TRMT11: variants seen among roughly 807,000 people sequenced by gnomAD.
TRMT11 encodes the protein tRNA methyltransferase 11.
TRMT11 carries 53 observed loss-of-function variants against 62.8 expected under a neutral mutation model. The observed-to-expected ratio is 0.84, with a 90% confidence interval of 0.68 to 1.06. TRMT11 has a LOEUF of 1.06. Ranked by LOEUF, TRMT11 falls within the 50% of genes least tolerant of loss-of-function variation. TRMT11 has a pLI of 0.00. For synonymous variants in TRMT11, 188 were observed against 190.3 expected (o/e 0.99, Z 0.10); for missense variants, 556 against 553.4 (o/e 1.00, Z -0.05).
chr6:126,209,376 T>C, the TRMT11 span, among the ~76,000 whole-genome samples: 1,037 of 152,262 alleles, frequency 6.8e-3, 9 homozygotes, highest in African/African-American at 0.024. Context: ...TCAGGCCATA[T>C]TACATTTCTC....
At chr6:125,993,141 T>C (rs1172425057) in intron 1 of TRMT11, among the ~76,000 whole-genome samples, 1 of 152,188 alleles carries the variant, frequency 6.6e-6, no homozygotes, top group Non-Finnish European at 1.5e-5. Context: ...TTTTATGTGA[T>C]TTAAGGAGAT....
rs1415756743 is a variant in TRMT11 at position 126,038,740 on chromosome 6, T to C, written c.1296T>C (p.His432=). The change falls in exon 13 of 13, where the codon CAT becomes CAC. Residue 432 remains histidine, a synonymous_variant. Transcript: ENST00000334379. The part of the protein sequence containing the change: ...RDQYSHLLSD[H]FLPYQGHNSF... ...AGTATTCACATCTGCTAAGTGATCA[T>C]TTTCTGCCATACCAAGGTCATAATT... 1 of 1,599,066 alleles carries C rather than the reference T, an allele frequency of 6.3e-7. No individual in the cohort carries two copies. Among genetic ancestry groups the C allele is most frequent in the Non-Finnish European group, 8.5e-7 (1 of 1,174,382 alleles).
intron 17 of TRMT11, among the ~76,000 whole-genome samples, chr6:126,054,901 G>A (rs570429231): frequency 5.9e-5 from 9 of 152,262 alleles, no homozygotes; most frequent in African/African-American, 1.9e-4. Flanking sequence ...CGTCTCTTTC[G>A]CATCTTTCCT....
At chr6:126,068,686 AC>A (rs1345522474) in intron 17 of TRMT11, among the ~76,000 whole-genome samples, 8 of 152,270 alleles carry the variant, frequency 5.3e-5, no homozygotes, top group African/African-American at 1.9e-4. Flanking sequence ...AAGTCATCCT[AC>A]CTTTTCTTAT....
rs190337457 is a variant in TRMT11, at chr6:126,072,216, G to A, written c.*1437+19026G>A. Among the ~76,000 whole-genome samples the A allele has an allele frequency of 2.0e-5, 3 of 152,230 alleles. No individual in the cohort carries two copies. In the East Asian group the frequency reaches 5.8e-4, roughly 29 times the overall value. On this transcript the variant is annotated intron_variant and NMD_transcript_variant, in intron 17 of 22. Coordinates refer to the TRMT11 transcript ENST00000648977. ...TAGGATTTGCTTTTCCTGAAAAATT[G>A]GTGGGCATTTTCTATTTCTAGGGAG...
At chr6:126,157,426 C>A (rs1439150417) in intron 21 of TRMT11, among the ~76,000 whole-genome samples, 1 of 152,160 alleles carries the variant, frequency 6.6e-6, no homozygotes, top group Non-Finnish European at 1.5e-5. Context: ...AAACCAAAAG[C>A]CTTTGCATTC....
At chr6:126,084,097 G>A (rs1182393379) in intron 17 of TRMT11, among the ~76,000 whole-genome samples, 2 of 152,062 alleles carry the variant, frequency 1.3e-5, no homozygotes, top group African/African-American at 4.8e-5. Flanking sequence ...ATTTCCTTTG[G>A]CTACATGCCT....
At chr6:126,098,871 T>A (rs963964413) in intron 17 of TRMT11, among the ~76,000 whole-genome samples, 3 of 152,236 alleles carry the variant, frequency 2.0e-5, no homozygotes, top group Non-Finnish European at 2.9e-5. Context: ...GGATTTTTTT[T>A]AAAGTAGGTA....
At chr6:126,141,657 C>T (rs910819420) in intron 21 of TRMT11, among the ~76,000 whole-genome samples, 7 of 152,022 alleles carry the variant, frequency 4.6e-5, no homozygotes, top group Non-Finnish European at 7.4e-5. Flanking sequence ...AACTTAAATC[C>T]GTTATTTTGG....
Position 126,091,355 on chromosome 6 carries a change from A to C in TRMT11, c.*1438-21511A>C, listed in dbSNP as rs535755314. ...ACCAATCACCGACTTTTCGCCACTC[A>C]CAGGTGGACAACTGTTTAAATGGTG... On this transcript the variant is annotated intron_variant and NMD_transcript_variant, in intron 17 of 22. Coordinates refer to the TRMT11 transcript ENST00000648977. 5.3e-5 allele frequency among the ~76,000 whole-genome samples: 8 copies of C among 152,282 alleles called. No homozygotes were observed. The East Asian group carries it at 1.5e-3, about 29-fold the overall frequency.
chr6:126,033,635 C>T (rs533403476), intron 12 of TRMT11, among the ~76,000 whole-genome samples: 1 of 152,120 alleles, frequency 6.6e-6, no homozygotes, highest in Middle Eastern at 3.4e-3. Flanking sequence ...GCTAACATTC[C>T]CTGAGGAAAA....
At chr6:125,999,636 C>T (rs1210481166) in intron 7 of TRMT11, 23 bp downstream of exon 7, 1 of 1,591,190 alleles carries the variant, frequency 6.3e-7, no homozygotes, top group African/African-American at 1.3e-5. Context: ...AACTTTTAAG[C>T]TAGTGTAGAG....
downstream of TRMT11, among the ~76,000 whole-genome samples, chr6:126,044,267 C>A (rs1010255297): frequency 1.9e-4 from 29 of 152,230 alleles, no homozygotes; most frequent in Admixed American, 4.6e-4. Flanking sequence ...TCAGCTTTCT[C>A]CGTATGGCTA....
rs1792007588 is a variant in TRMT11, at chr6:125,998,704, A to G, written c.522+20A>G. The G allele has an allele frequency of 6.2e-7, 1 of 1,603,544 alleles. No individual in the cohort carries two copies. Among genetic ancestry groups the G allele is most frequent in the Non-Finnish European group, 8.5e-7 (1 of 1,176,880 alleles). On this transcript the variant is annotated intron_variant, in intron 6 of 12. Coordinates refer to ENST00000334379, the MANE Select transcript of TRMT11 (RefSeq NM_001031712.3). ...AGATGGGTGAGCAAGTTTTCTTTCT[A>G]CCTATGTCAGTTTGTTTTTTTGAAA...
chr6:125,998,124 T>G lies in TRMT11; in HGVS notation c.284T>G (p.Val95Gly), dbSNP rs1166780480. Residue 95 changes from valine (V) to glycine (G), a missense_variant, in exon 4 of 13, where the codon GTG becomes GGG. By Grantham distance (109) the Val-to-Gly change is moderately radical. Coordinates refer to ENST00000334379, the MANE Select transcript of TRMT11 (RefSeq NM_001031712.3). The part of the protein sequence containing the change: ...ELYSSLKNYP[V>G]EKMVPFLHSD... ...TACAGTTCTCTTAAAAACTACCCTG[T>G]GGAGAAGATGGTGCGTAGTAAAATG... is the stretch of plus-strand genomic sequence containing the variant. 3 of 1,613,300 alleles carry G rather than the reference T, an allele frequency of 1.9e-6. No individual in the cohort carries two copies. In the Admixed American group the frequency reaches 5.0e-5, roughly 27 times the overall value.
chr6:126,183,821 G>T (rs111790503), intron 1 of TRMT11, among the ~76,000 whole-genome samples: 1 of 134,068 alleles, frequency 7.5e-6, no homozygotes, highest in African/African-American at 2.7e-5. Flanking sequence ...CACTGGGGAC[G>T]ATACGTGGGG....
intron 17 of TRMT11, among the ~76,000 whole-genome samples, chr6:126,109,340 A>AT (rs769252330): frequency 6.6e-6 from 1 of 151,952 alleles, no homozygotes; most frequent in East Asian, 1.9e-4. Flanking sequence ...TCTCTTTGTG[A>AT]TTTTTCATTT....
chr6:126,270,122 A>G, the TRMT11 span, among the ~76,000 whole-genome samples: 1 of 152,228 alleles, frequency 6.6e-6, no homozygotes, highest in African/African-American at 2.4e-5. Flanking sequence ...ACATGGCATA[A>G]CCACACCAAA....
intron 17 of TRMT11, among the ~76,000 whole-genome samples, chr6:126,068,879 A>G (rs1179260006): frequency 2.0e-5 from 3 of 152,208 alleles, no homozygotes; most frequent in Non-Finnish European, 4.4e-5. Flanking sequence ...GTGAGTGACA[A>G]TATGCCCGGT....
Sources: gnomAD v4.1 joint callset for allele counts (sites outside exome capture counted in the v4.1 genomes callset) on GRCh38, gnomAD v4.1.1 for gene constraint, MANE v1.5 for transcripts, NCBI Gene and HGNC (gene_info 2026-07-23, HGNC 2026-07-21) for gene names.